ANAPC4: variants seen among roughly 807,000 people sequenced by gnomAD.
The protein encoded by ANAPC4 is anaphase promoting complex subunit 4.
Under a neutral mutation model 119.8 loss-of-function variants are expected in ANAPC4, and 63 were observed. The ratio of observed to expected loss-of-function variants is 0.53; its 90% CI spans 0.43 to 0.65. The LOEUF is 0.65. Among genes scored for constraint, ANAPC4 ranks in the 30% least tolerant of loss-of-function variants. The probability of loss-of-function intolerance (pLI) is 0.00; values close to 1 mark genes in which losing one functional copy is unlikely to be tolerated. For synonymous variants in ANAPC4, 283 were observed against 318.6 expected, an observed-to-expected ratio of 0.89 and a Z score of 1.19; for missense variants, 716 against 945.1, an observed-to-expected ratio of 0.76 and a Z score of 3.18.
At chr4:25,412,771 T>A (rs1384015655) in intron 21 of ANAPC4, 2 of 144,704 alleles carry the variant, frequency 1.4e-5, no homozygotes, top group African/African-American at 2.6e-5. Context: ...AAAAAAAAAA[T>A]GTTCCTGTCA....
chr4:25,390,274 A>G (rs763675094), intron 8 of ANAPC4, 54 bp downstream of exon 8: 12 of 1,313,664 alleles, frequency 9.1e-6, no homozygotes, highest in Non-Finnish European at 1.3e-5. Context: ...AGAATATACT[A>G]GGTACTTATG....
In ANAPC4 at chr4:25,405,013, C is replaced by T. The variant is rs1388932650; in HGVS notation, c.1271-560C>T. Among the ~76,000 whole-genome samples the T allele has an allele frequency of 6.6e-6, 1 of 151,752 alleles. No individual in the cohort carries two copies. Among genetic ancestry groups the T allele is most frequent in the East Asian group, 1.9e-4 (1 of 5,186 alleles). On this transcript the variant is annotated intron_variant, in intron 17 of 28. Transcript: ENST00000315368. This position sits in a 1 kb window ranked among gnomAD's most constrained non-coding sequence, Gnocchi z 4.6. ...ACCATGTTCAAATACCATGCAGAGG[C>T]ACATAAAACATACTTTGTCTTGACT...
chr4:25,398,763 AT>A (rs1722791140), intron 16 of ANAPC4, among the ~76,000 whole-genome samples: 1 of 152,076 alleles, frequency 6.6e-6, no homozygotes. Flanking sequence ...AGTGGTCAGG[AT>A]TGGGATATAT....
intron 21 of ANAPC4, chr4:25,413,372 C>T (rs566735101): frequency 9.4e-5 from 29 of 307,962 alleles, no homozygotes; most frequent in African/African-American, 6.3e-4. Context: ...TTCCTTGCTT[C>T]TTATAGCCAG....
Position 25,377,432 on chromosome 4 carries a change from T to G in ANAPC4, c.5T>G (p.Leu2Trp). M[L>W]RFPTCFPSFR... ...TGTCGTTGCAGGGCCGTCCCCATGT[T>G]GCGTTTTCCGACCTGTTTCCCATCC... Residue 2 changes from leucine (L) to tryptophan (W), a missense_variant, in exon 2 of 29, where the codon TTG becomes TGG. Around this residue, in one of 3 missense-constraint regions of ANAPC4, gnomAD observed 202 missense variants for 293.5 expected, o/e 0.69. Coordinates refer to ENST00000315368, the MANE Select transcript of ANAPC4 (RefSeq NM_013367.3). 6.2e-7 allele frequency: 1 copy of G among 1,614,064 alleles called. No homozygotes were observed.
At chr4:25,417,589 C>A in intron 27 of ANAPC4, 27 bp from the exon 28 acceptor site, 1 of 1,556,296 alleles carries the variant, frequency 6.4e-7, no homozygotes. Context: ...CCTTTTCATT[C>A]CTGAGTTGGT....
In ANAPC4 at chr4:25,416,542, A is replaced by G. The variant is rs77845163; in HGVS notation, c.2019A>G (p.Leu673=). 1.1e-3 allele frequency: 1,815 copies of G among 1,594,768 alleles called. 20 individuals carry two copies. In the African/African-American group the frequency reaches 0.021, roughly 18 times the overall value. Residue 673 remains leucine, a synonymous_variant, in exon 27 of 29, where the codon TTA becomes TTG. Transcript: ENST00000315368. ...DRLLVQLPLS[L]VYNSEDSAEY... ...TCTTGGTCCAGCTGCCTTTGTCTTTAGTATATAACAGTGAAGATTCTGCAG... is the reference window on the plus strand; with the variant it reads ...TCTTGGTCCAGCTGCCTTTGTCTTTGGTATATAACAGTGAAGATTCTGCAG...
At chr4:25,407,464 T>A (rs1434945997) in intron 20 of ANAPC4, among the ~76,000 whole-genome samples, 1 of 152,134 alleles carries the variant, frequency 6.6e-6, no homozygotes, top group African/African-American at 2.4e-5. Flanking sequence ...TAGCTGGGTG[T>A]GGTGGTGGGC....
intron 20 of ANAPC4, among the ~76,000 whole-genome samples, chr4:25,408,319 A>G (rs1723373766): frequency 6.6e-6 from 1 of 152,172 alleles, no homozygotes. Context: ...ATCTTCTTGC[A>G]CTTTGAACGG....
chr4:25,397,029 A>G (rs558260446), intron 16 of ANAPC4, 130 bp downstream of exon 16: 2 of 915,924 alleles, frequency 2.2e-6, no homozygotes, highest in East Asian at 2.6e-5. Flanking sequence ...ATGCCTTTAT[A>G]TGGTTCCGAA....
chr4:25,412,848 A>G (rs78490339), intron 21 of ANAPC4: 66 of 152,304 alleles, frequency 4.3e-4, no homozygotes, highest in African/African-American at 1.5e-3. Flanking sequence ...ACAAAGATCA[A>G]TGTTTTTCTG....
intron 27 of ANAPC4, 122 bp from the exon 28 acceptor site, chr4:25,417,494 A>G (rs1723950458): frequency 2.0e-6 from 2 of 1,000,552 alleles, no homozygotes; most frequent in Admixed American, 2.9e-5. Context: ...TGCTAAAATT[A>G]TATTGGAAAT....
chr4:25,387,266 C>T (rs73254162), intron 4 of ANAPC4, among the ~76,000 whole-genome samples: 10,051 of 152,024 alleles, frequency 0.066, 430 homozygotes, highest in African/African-American at 0.12. Context: ...AATTGTTTTT[C>T]TTTTTTGGGG....
chr4:25,413,937 G>A, intron 22 of ANAPC4, 195 bp downstream of exon 22: 1 of 529,174 alleles, frequency 1.9e-6, no homozygotes, highest in Non-Finnish European at 3.3e-6. Flanking sequence ...ACACGTGTGT[G>A]TGTGTGTGTG....
Position 25,377,322 on chromosome 4 carries a change from T to G in ANAPC4, c.-33T>G. ...GGAGAGGCCACTGGGGCCGTGTTAG[T>G]CTGCCGGTGGGGACTCTTGCAGGTA... On this transcript the variant is annotated 5_prime_UTR_variant, in exon 1 of 29. Transcript: ENST00000315368. 1 of 1,476,394 alleles carries G rather than the reference T, an allele frequency of 6.8e-7. No individual in the cohort carries two copies. Among genetic ancestry groups the G allele is most frequent in the Non-Finnish European group, 9.1e-7 (1 of 1,099,242 alleles). The allele number at this position is 1,476,394 out of a possible 1,614,324, so 91.5% of individuals were successfully genotyped here. A position where few individuals can be genotyped will look rare whatever the true frequency, so the allele number is the denominator to read the frequency against.
chr4:25,401,514 G>A (rs1722974001), intron 16 of ANAPC4, among the ~76,000 whole-genome samples: 1 of 152,178 alleles, frequency 6.6e-6, no homozygotes, highest in Non-Finnish European at 1.5e-5. Context: ...CCTGTGTCCA[G>A]CCCCACACAT....
At chr4:25,393,916 G>A in intron 11 of ANAPC4, 25 bp downstream of exon 11, 1 of 1,572,538 alleles carries the variant, frequency 6.4e-7, no homozygotes, top group South Asian at 1.2e-5. Flanking sequence ...GTTTCCCATG[G>A]AGAGAGTTAA....
chr4:25,408,212 T>C (rs554793780), intron 20 of ANAPC4, among the ~76,000 whole-genome samples: 2 of 152,354 alleles, frequency 1.3e-5, no homozygotes, highest in African/African-American at 4.8e-5. Context: ...TTTGCTTTAT[T>C]ATATCAAATG....
chr4:25,397,690 T>C (rs752929600), intron 16 of ANAPC4, among the ~76,000 whole-genome samples: 2 of 152,012 alleles, frequency 1.3e-5, no homozygotes, highest in African/African-American at 2.4e-5. Flanking sequence ...TAGGATTCTG[T>C]GCTTTTTGTT....
Sources: allele counts gnomAD v4.1 joint callset (sites outside exome capture counted in the v4.1 genomes callset), GRCh38; gene constraint gnomAD v4.1.1; regional missense constraint gnomAD v4.1.1; non-coding constraint Gnocchi (gnomAD v3.1); transcripts MANE v1.5; gene names NCBI Gene and HGNC (gene_info 2026-07-23, HGNC 2026-07-21).